Variants in LRP1B observed in about 807,000 individuals in gnomAD.
LRP1B encodes LDL receptor related protein 1B, also known as low-density lipoprotein receptor-related protein 1B.
A neutral mutation model predicts 556.6 loss-of-function variants in LRP1B; 217 were observed. The observed-to-expected ratio is 0.39, with a 90% confidence interval of 0.35 to 0.44. The LOEUF is 0.44. Ranked by LOEUF, LRP1B falls within the 20% of genes least tolerant of loss-of-function variation. The pLI is 1.00. For missense variants in LRP1B, 5,053 were observed against 5,620.8 expected, an observed-to-expected ratio of 0.90 and a Z score of 3.23; for synonymous variants, 2,047 against 1,865.8, an observed-to-expected ratio of 1.10 and a Z score of -2.50.
intron 43 of LRP1B, among the ~76,000 whole-genome samples, chr2:140,567,935 C>T (rs1428421308): frequency 6.6e-6 from 1 of 152,190 alleles, no homozygotes; most frequent in East Asian, 1.9e-4. Context: ...TGAGTCATCA[C>T]ACCCTTCGTA....
chr2:141,215,129 A>T (rs1682736834), intron 6 of LRP1B, among the ~76,000 whole-genome samples: 1 of 152,038 alleles, frequency 6.6e-6, no homozygotes, highest in African/African-American at 2.4e-5. Flanking sequence ...CACAATAGTG[A>T]GTGAGTTCCC....
chr2:141,273,828 G>A lies in LRP1B; in HGVS notation c.344-19187C>T, dbSNP rs559576358. 1.6e-4 allele frequency among the ~76,000 whole-genome samples: 25 copies of A among 152,294 alleles called. 1 individual carries two copies. In the South Asian group the frequency reaches 4.1e-3, roughly 25 times the overall value. On this transcript the variant is annotated intron_variant, in intron 3 of 90. Transcript: ENST00000389484. ...AAAACATTTTCAGATCCAATCTGGT[G>A]AGAGACTTGTATTCAGAATATACAA...
chr2:141,434,775 A>C (rs1354530119), intron 3 of LRP1B, among the ~76,000 whole-genome samples: 1 of 152,096 alleles, frequency 6.6e-6, no homozygotes, highest in African/African-American at 2.4e-5. Flanking sequence ...CTTGTTAATC[A>C]GTTTGTTTGT....
chr2:141,705,211 C>T (rs1692093594), intron 2 of LRP1B, among the ~76,000 whole-genome samples: 1 of 151,978 alleles, frequency 6.6e-6, no homozygotes. Flanking sequence ...AACTGCCTAT[C>T]TATGATCAGA....
At chr2:142,039,610 G>T (rs896546498) in intron 1 of LRP1B, among the ~76,000 whole-genome samples, 1 of 151,634 alleles carries the variant, frequency 6.6e-6, no homozygotes, top group South Asian at 2.1e-4. Context: ...TAGTGTGTTT[G>T]TGTGATGGGG....
chr2:140,304,638 GT>G (rs1238872212), intron 83 of LRP1B, among the ~76,000 whole-genome samples: 2 of 152,138 alleles, frequency 1.3e-5, no homozygotes, highest in African/African-American at 2.4e-5. Context: ...TTCTTTTGCT[GT>G]GCAGAAGCTC....
At chr2:140,692,968 ATT>A (rs975762275) in intron 41 of LRP1B, among the ~76,000 whole-genome samples, 1 of 152,066 alleles carries the variant, frequency 6.6e-6, no homozygotes, top group Non-Finnish European at 1.5e-5. Flanking sequence ...TGGAGATAAC[ATT>A]TTGTTTCATT....
chr2:140,282,103 A>T, intron 84 of LRP1B, among the ~76,000 whole-genome samples: 1 of 151,830 alleles, frequency 6.6e-6, no homozygotes, highest in Admixed American at 6.6e-5. Context: ...TCTCCAAGAT[A>T]TCCTTTGGCC....
Position 141,705,813 on chromosome 2 carries a change from G to A in LRP1B, c.205+104466C>T, listed in dbSNP as rs1294648318. Among the ~76,000 whole-genome samples the A allele has an allele frequency of 4.0e-5, 6 of 151,866 alleles. No individual in the cohort carries two copies. The East Asian group carries it at 5.8e-4, about 15-fold the overall frequency. On this transcript the variant is annotated intron_variant, in intron 2 of 90. Transcript: ENST00000389484. Reference sequence around the variant, plus strand: ...CTATTTAACTCCAAACAGATGCCAAGGTTTTAAATATCCCTCATATTTATG... The same window carrying A: ...CTATTTAACTCCAAACAGATGCCAAAGTTTTAAATATCCCTCATATTTATG...
intron 20 of LRP1B, among the ~76,000 whole-genome samples, chr2:140,927,938 GTTTCACCA>G (rs1694936881): frequency 6.6e-6 from 1 of 151,590 alleles, no homozygotes; most frequent in African/African-American, 2.4e-5. Context: ...TAGAGGCGAG[GTTTCACCA>G]TGTTGTCCAG....
intron 41 of LRP1B, among the ~76,000 whole-genome samples, chr2:140,643,623 G>A (rs1413382883): frequency 6.6e-6 from 1 of 152,126 alleles, no homozygotes; most frequent in Non-Finnish European, 1.5e-5. Flanking sequence ...AAACTCTCCT[G>A]TTTGTTTAAA....
At chr2:141,498,214 T>C (rs1683584373) in intron 2 of LRP1B, among the ~76,000 whole-genome samples, 1 of 151,938 alleles carries the variant, frequency 6.6e-6, no homozygotes, top group South Asian at 2.1e-4. Context: ...TAATACACAT[T>C]TTTAAACAAA....
chr2:140,643,329 C>T (rs1165299393), intron 41 of LRP1B, among the ~76,000 whole-genome samples: 2 of 151,960 alleles, frequency 1.3e-5, no homozygotes, highest in East Asian at 3.9e-4. Context: ...TCTGTCTACA[C>T]TTCATTGTTT....
At chr2:140,775,299 C>G (rs2104948225) in intron 33 of LRP1B, among the ~76,000 whole-genome samples, 1 of 151,968 alleles carries the variant, frequency 6.6e-6, no homozygotes, top group Non-Finnish European at 1.5e-5. Context: ...TATTATTACC[C>G]CTGCTCTTCT....
At chr2:140,444,934 A>G (rs1558887068) in intron 63 of LRP1B, among the ~76,000 whole-genome samples, 1 of 152,102 alleles carries the variant, frequency 6.6e-6, no homozygotes, top group African/African-American at 2.4e-5. Context: ...TTTTTTTAAA[A>G]ATTTAAAAAA....
At chr2:140,996,355 A>G (rs1697246057) in intron 15 of LRP1B, among the ~76,000 whole-genome samples, 1 of 152,028 alleles carries the variant, frequency 6.6e-6, no homozygotes, top group East Asian at 1.9e-4. Flanking sequence ...AATATCTATT[A>G]TAAAGAAAAC....
At chr2:142,028,430 A>T (rs571906219) in intron 1 of LRP1B, among the ~76,000 whole-genome samples, 19 of 152,102 alleles carry the variant, frequency 1.2e-4, no homozygotes, top group Admixed American at 3.3e-4. Flanking sequence ...AGAATTATAC[A>T]GTATAGCAGC....
intron 2 of LRP1B, among the ~76,000 whole-genome samples, chr2:141,509,430 C>T (rs954524789): frequency 3.9e-5 from 6 of 152,096 alleles, no homozygotes; most frequent in Admixed American, 6.6e-5. Context: ...TGGTTGTCTG[C>T]CACCAGAGCT....
chr2:140,784,073 C>T (rs934972013), intron 32 of LRP1B, among the ~76,000 whole-genome samples: 1 of 152,148 alleles, frequency 6.6e-6, no homozygotes, highest in African/African-American at 2.4e-5. Flanking sequence ...CTGAGACAAA[C>T]ATTAGAATCA....
Sources: gnomAD v4.1 joint callset for allele counts (sites outside exome capture counted in the v4.1 genomes callset) on GRCh38, gnomAD v4.1.1 for gene constraint, MANE v1.5 for transcripts, NCBI Gene and HGNC (gene_info 2026-07-23, HGNC 2026-07-21) for gene names.